Variants in SUGCT observed in about 807,000 individuals in gnomAD.
The protein encoded by SUGCT is succinyl-CoA:glutarate-CoA transferase, also known as succinyl-CoA:glutarate CoA-transferase.
SUGCT carries 41 observed loss-of-function variants against 55.0 expected under a neutral mutation model. The ratio of observed to expected loss-of-function variants is 0.74; its 90% CI spans 0.58 to 0.97. SUGCT has a LOEUF of 0.97. SUGCT is among the 50% of genes least tolerant of loss of function. The pLI is 0.00. For synonymous variants in SUGCT, 187 were observed against 200.4 expected (o/e 0.93, Z 0.56); for missense variants, 568 against 547.8 (o/e 1.04, Z -0.37).
intron 9 of SUGCT, among the ~76,000 whole-genome samples, chr7:40,440,707 G>A (rs572743874): frequency 1.9e-4 from 29 of 152,040 alleles, no homozygotes; most frequent in African/African-American, 6.7e-4. Flanking sequence ...TGGCTTCAGC[G>A]CTCCCAACCA....
At chr7:40,585,955 C>T (rs1797354262) in intron 12 of SUGCT, among the ~76,000 whole-genome samples, 1 of 152,152 alleles carries the variant, frequency 6.6e-6, no homozygotes, top group Non-Finnish European at 1.5e-5. Context: ...GCTAGGGTTA[C>T]AGGTGAGAGC....
intron 12 of SUGCT, among the ~76,000 whole-genome samples, chr7:40,517,638 C>T (rs1793312790): frequency 6.6e-6 from 1 of 151,918 alleles, no homozygotes; most frequent in Non-Finnish European, 1.5e-5. Context: ...GATATTTGGG[C>T]CTAGTATTGA....
intron 1 of SUGCT, among the ~76,000 whole-genome samples, chr7:40,165,152 C>T (rs1419084397): frequency 6.6e-6 from 1 of 152,162 alleles, no homozygotes; most frequent in Non-Finnish European, 1.5e-5. Context: ...CTCTGTAAAT[C>T]ATCAAATTAA....
chr7:40,564,210 A>T (rs1583993107), intron 12 of SUGCT, among the ~76,000 whole-genome samples: 1 of 151,972 alleles, frequency 6.6e-6, no homozygotes, highest in East Asian at 1.9e-4. Flanking sequence ...CATCTCTACT[A>T]AAAAAATACA....
chr7:40,380,542 C>T (rs1221339537), intron 9 of SUGCT, among the ~76,000 whole-genome samples: 1 of 152,122 alleles, frequency 6.6e-6, no homozygotes, highest in Non-Finnish European at 1.5e-5. Flanking sequence ...GCTTATTCTG[C>T]TTTGAAGAAG....
chr7:40,492,974 G>A (rs759194259), intron 11 of SUGCT, among the ~76,000 whole-genome samples: 2 of 152,174 alleles, frequency 1.3e-5, no homozygotes, highest in Non-Finnish European at 2.9e-5. Flanking sequence ...GTGTATCAAT[G>A]TAATAATATA....
chr7:40,509,952 TA>T (rs1287366268), intron 12 of SUGCT, among the ~76,000 whole-genome samples: 7 of 152,132 alleles, frequency 4.6e-5, no homozygotes, highest in Non-Finnish European at 1.0e-4. Flanking sequence ...ATTTTCTTAC[TA>T]TTTTTGAAAA....
chr7:40,969,888 A>G, the SUGCT span, among the ~76,000 whole-genome samples: 9 of 152,194 alleles, frequency 5.9e-5, no homozygotes, highest in Non-Finnish European at 1.2e-4. Context: ...CTGATAAAGC[A>G]TATTATCCTG....
chr7:40,233,283 G>C (rs1278902163), intron 6 of SUGCT, among the ~76,000 whole-genome samples: 1 of 151,850 alleles, frequency 6.6e-6, no homozygotes, highest in African/African-American at 2.4e-5. Context: ...GCAATGGCAC[G>C]ATCTCAGCTC....
intron 12 of SUGCT, among the ~76,000 whole-genome samples, chr7:40,505,436 G>A (rs181089931): frequency 1.8e-4 from 28 of 152,072 alleles, no homozygotes; most frequent in Non-Finnish European, 3.5e-4. Flanking sequence ...CCCCTCTGCT[G>A]CCACTTTATT....
chr7:40,458,103 T>C (rs964802375), intron 10 of SUGCT, among the ~76,000 whole-genome samples: 5 of 152,276 alleles, frequency 3.3e-5, no homozygotes, highest in Non-Finnish European at 5.9e-5. Context: ...TCTTCTTCAC[T>C]TCTCTGTCCT....
At chr7:40,143,453 T>C (rs939169623) in intron 1 of SUGCT, among the ~76,000 whole-genome samples, 5 of 152,214 alleles carry the variant, frequency 3.3e-5, no homozygotes, top group Non-Finnish European at 7.3e-5. Flanking sequence ...CTTGTTACTC[T>C]AGGCTGTAGA....
At chr7:40,291,541 A>G (rs1409889600) in intron 8 of SUGCT, among the ~76,000 whole-genome samples, 8 of 149,540 alleles carry the variant, frequency 5.3e-5, no homozygotes, top group Non-Finnish European at 7.4e-5. Flanking sequence ...GCATTAGGAG[A>G]TATACCTAAT....
chr7:40,182,814 C>T (rs1256984239), intron 3 of SUGCT, among the ~76,000 whole-genome samples: 4 of 152,128 alleles, frequency 2.6e-5, no homozygotes, highest in Admixed American at 1.3e-4. Context: ...ATGATTCTGG[C>T]CTTCCTTAGC....
chr7:40,391,922 GAC>G (rs1451121740), intron 9 of SUGCT, among the ~76,000 whole-genome samples: 2 of 152,092 alleles, frequency 1.3e-5, no homozygotes, highest in African/African-American at 4.8e-5. Context: ...AAGAAAATAT[GAC>G]ACACACACAC....
rs559157718 is a variant in SUGCT, at chr7:40,658,342, G to A, written c.1090-91092G>A. On this transcript the variant is annotated intron_variant, in intron 12 of 13. Coordinates refer to ENST00000335693, the MANE Select transcript of SUGCT (RefSeq NM_001193313.2). Reference sequence around the variant, plus strand: ...TATGTTGAACCCCTTCCCCCTTTCCGTCTCTTAATTTCCTATTGAGATGAC... The same window carrying A: ...TATGTTGAACCCCTTCCCCCTTTCCATCTCTTAATTTCCTATTGAGATGAC... Among the ~76,000 whole-genome samples, 26 of 152,010 alleles carry A rather than the reference G, an allele frequency of 1.7e-4. No individual in the cohort carries two copies. The South Asian group carries it at 1.9e-3, about 11-fold the overall frequency.
At chr7:40,223,341 G>T (rs916988425) in intron 6 of SUGCT, among the ~76,000 whole-genome samples, 5 of 152,188 alleles carry the variant, frequency 3.3e-5, no homozygotes, top group Non-Finnish European at 5.9e-5. Flanking sequence ...GATTACAGGT[G>T]TAAGCCACTG....
chr7:40,730,350 A>G (rs548961333), intron 12 of SUGCT, among the ~76,000 whole-genome samples: 1 of 152,146 alleles, frequency 6.6e-6, no homozygotes, highest in African/African-American at 2.4e-5. Flanking sequence ...CAAGTGATCC[A>G]CCTGCCTCAG....
At chr7:41,030,871 T>C in the SUGCT span, among the ~76,000 whole-genome samples, 12 of 152,100 alleles carry the variant, frequency 7.9e-5, no homozygotes, top group Admixed American at 3.3e-4. Context: ...GGGAGGAGGA[T>C]ACAGAGGGGA....
Sources: allele counts gnomAD v4.1 joint callset (sites outside exome capture counted in the v4.1 genomes callset), GRCh38; gene constraint gnomAD v4.1.1; transcripts MANE v1.5; gene names NCBI Gene and HGNC (gene_info 2026-07-23, HGNC 2026-07-21).